TAFA1: variants seen among roughly 807,000 people sequenced by gnomAD.
TAFA1 encodes chemokine-like protein TAFA-1.
A neutral mutation model predicts 18.5 loss-of-function variants in TAFA1; 4 were observed. The observed-to-expected ratio is 0.22, with a 90% CI of 0.11 to 0.49. The LOEUF (loss-of-function observed/expected upper bound fraction) is 0.49. Among genes scored for constraint, TAFA1 ranks in the 20% least tolerant of loss-of-function variants. The probability of loss-of-function intolerance (pLI) is 0.98; values close to 1 mark genes in which losing one functional copy is unlikely to be tolerated. For synonymous variants in TAFA1, 56 were observed against 55.2 expected, an observed-to-expected ratio of 1.01 and a Z score of -0.06; for missense variants, 147 against 169.0, an observed-to-expected ratio of 0.87 and a Z score of 0.72.
chr3:68,079,913 T>G (rs1042600317), intron 2 of TAFA1, among the ~76,000 whole-genome samples: 8 of 152,152 alleles, frequency 5.3e-5, no homozygotes, highest in Non-Finnish European at 7.4e-5. Context: ...GACAGTGGGG[T>G]GTTAAAGTCT....
intron 2 of TAFA1, among the ~76,000 whole-genome samples, chr3:68,371,241 GA>G (rs2069701060): frequency 6.6e-6 from 1 of 151,840 alleles, no homozygotes; most frequent in Admixed American, 6.6e-5. Context: ...TTAAGTTCTG[GA>G]ATACATGTGC....
intron 2 of TAFA1, among the ~76,000 whole-genome samples, chr3:68,110,283 C>T (rs1225516795): frequency 6.6e-6 from 1 of 152,128 alleles, no homozygotes; most frequent in Non-Finnish European, 1.5e-5. Flanking sequence ...CAGCTCCTTC[C>T]ATGTCTCTGC....
intron 2 of TAFA1, among the ~76,000 whole-genome samples, chr3:68,283,552 G>A (rs1010351588): frequency 7.2e-5 from 11 of 152,248 alleles, no homozygotes; most frequent in Admixed American, 2.0e-4. Context: ...TGCAGTGAGC[G>A]CTTCTAAATG....
At chr3:68,053,756 T>C (rs963063647) in intron 2 of TAFA1, among the ~76,000 whole-genome samples, 3 of 152,146 alleles carry the variant, frequency 2.0e-5, no homozygotes, top group Non-Finnish European at 2.9e-5. Flanking sequence ...TAGGCTGAAG[T>C]GTAGTGATGC....
chr3:68,225,390 A>G (rs2066785762), intron 2 of TAFA1, among the ~76,000 whole-genome samples: 2 of 152,120 alleles, frequency 1.3e-5, no homozygotes, highest in African/African-American at 4.8e-5. Context: ...AAATAAATTT[A>G]CCCACACCAA....
chr3:68,152,574 C>G lies in TAFA1; in HGVS notation c.118+145830C>G, dbSNP rs571149576. Reference sequence around the variant, plus strand: ...AAGACTTGATGCTTTTAGAGAAACCCAAATCAAAGTAGCTGAAGCTCAAAA... The same window carrying G: ...AAGACTTGATGCTTTTAGAGAAACCGAAATCAAAGTAGCTGAAGCTCAAAA... On this transcript the variant is annotated intron_variant, in intron 2 of 4. Transcript: ENST00000478136. Among the ~76,000 whole-genome samples, 9 of 152,106 alleles carry G rather than the reference C, an allele frequency of 5.9e-5. No individual in the cohort carries two copies. In the East Asian group the frequency reaches 1.7e-3, roughly 29 times the overall value.
intron 2 of TAFA1, among the ~76,000 whole-genome samples, chr3:68,085,269 A>G (rs2064957074): frequency 6.6e-6 from 1 of 152,258 alleles, no homozygotes; most frequent in South Asian, 2.1e-4. Flanking sequence ...ACATTCAATT[A>G]AAGAAAGCTA....
At chr3:68,326,135 G>A (rs949355849) in intron 2 of TAFA1, among the ~76,000 whole-genome samples, 1 of 152,162 alleles carries the variant, frequency 6.6e-6, no homozygotes, top group Non-Finnish European at 1.5e-5. Flanking sequence ...AGTCCCAAAT[G>A]TTGTTTCCCT....
intron 2 of TAFA1, among the ~76,000 whole-genome samples, chr3:68,112,170 G>T (rs2106838947): frequency 6.6e-6 from 1 of 152,236 alleles, no homozygotes; most frequent in African/African-American, 2.4e-5. Flanking sequence ...GTTCCCTGTG[G>T]TCAGTGGGCC....
At chr3:68,365,874 T>C (rs1010142357) in intron 2 of TAFA1, among the ~76,000 whole-genome samples, 2 of 151,786 alleles carry the variant, frequency 1.3e-5, no homozygotes, top group African/African-American at 4.8e-5. Context: ...GATCACAAGG[T>C]CAGGAGTTCG....
chr3:68,356,440 G>A (rs2069366193), intron 2 of TAFA1, among the ~76,000 whole-genome samples: 1 of 151,864 alleles, frequency 6.6e-6, no homozygotes, highest in Non-Finnish European at 1.5e-5. Flanking sequence ...AAGGAAACAT[G>A]TAGAGTCAAC....
At chr3:68,235,039 A>G (rs960698998) in intron 2 of TAFA1, among the ~76,000 whole-genome samples, 2 of 152,266 alleles carry the variant, frequency 1.3e-5, no homozygotes, top group Admixed American at 6.5e-5. Flanking sequence ...ACACGTTTAT[A>G]TACACGTTTG....
At chr3:68,413,027 C>T (rs1219778401) in intron 2 of TAFA1, among the ~76,000 whole-genome samples, 2 of 152,016 alleles carry the variant, frequency 1.3e-5, no homozygotes, top group African/African-American at 4.8e-5. Context: ...TCCACATCCT[C>T]TCCAGCACCT....
intron 2 of TAFA1, among the ~76,000 whole-genome samples, chr3:68,197,896 A>G (rs1253431356): frequency 6.6e-6 from 1 of 151,724 alleles, no homozygotes; most frequent in Non-Finnish European, 1.5e-5. Context: ...CTTGAATTGT[A>G]TGTAGTTAAA....
chr3:68,487,934 G>A (rs1237290519), intron 3 of TAFA1, among the ~76,000 whole-genome samples: 1 of 151,964 alleles, frequency 6.6e-6, no homozygotes, highest in Non-Finnish European at 1.5e-5. Flanking sequence ...GAAAGAAGCC[G>A]CTACGTGATC....
intron 2 of TAFA1, among the ~76,000 whole-genome samples, chr3:68,028,703 C>T (rs1164024218): frequency 6.6e-6 from 1 of 151,878 alleles, no homozygotes; most frequent in African/African-American, 2.4e-5. Flanking sequence ...GTTACCTGTT[C>T]ATCTTCTGTC....
At chr3:68,001,485 T>C (rs1704283002), upstream of TAFA1, among the ~76,000 whole-genome samples, 1 of 152,186 alleles carries the variant, frequency 6.6e-6, no homozygotes, top group South Asian at 2.1e-4. Flanking sequence ...TAGAAAATGA[T>C]TTAGCCTCTC....
At chr3:68,522,361 G>C (rs1007753900) in intron 3 of TAFA1, among the ~76,000 whole-genome samples, 4 of 152,218 alleles carry the variant, frequency 2.6e-5, no homozygotes, top group African/African-American at 9.6e-5. Context: ...CGATGGGCCA[G>C]TGGAAGGAGA....
intron 2 of TAFA1, among the ~76,000 whole-genome samples, chr3:68,346,619 A>G (rs1014336881): frequency 6.6e-6 from 1 of 152,184 alleles, no homozygotes; most frequent in Admixed American, 6.5e-5. Flanking sequence ...TTGATTGAGA[A>G]TGACTGCTAA....
Sources: gnomAD v4.1 joint callset for allele counts (sites outside exome capture counted in the v4.1 genomes callset) on GRCh38, gnomAD v4.1.1 for gene constraint, MANE v1.5 for transcripts, NCBI Gene and HGNC (gene_info 2026-07-23, HGNC 2026-07-21) for gene names.